Variants in IKBKB observed in about 807,000 individuals in gnomAD.
The protein encoded by IKBKB is inhibitor of nuclear factor kappa B kinase subunit beta.
Under a neutral mutation model 113.6 loss-of-function variants are expected in IKBKB, and 42 were observed. That is an observed-to-expected ratio of 0.37 (90% confidence interval 0.29 to 0.48). IKBKB has a LOEUF of 0.48. Ranked by LOEUF, IKBKB falls within the 20% of genes least tolerant of loss-of-function variation. The probability of loss-of-function intolerance (pLI) is 0.99; values close to 1 mark genes in which losing one functional copy is unlikely to be tolerated. For synonymous variants in IKBKB, 296 were observed against 361.3 expected (o/e 0.82, Z 2.05); for missense variants, 673 against 939.7 (o/e 0.72, Z 3.71).
In IKBKB at chr8:42,331,307, G is replaced by T. The variant is rs1273696815; in HGVS notation, c.*328G>T. 1.0e-5 allele frequency: 7 copies of T among 702,364 alleles called. No individual in the cohort carries two copies. The highest frequency in any genetic ancestry group is 1.8e-5 in the Non-Finnish European group (7 of 385,078). 43.5% of individuals were successfully genotyped at this position (702,364 alleles called of 1,614,324 possible). A position where few individuals can be genotyped will look rare whatever the true frequency, so the allele number is the denominator to read the frequency against. The stretch of plus-strand genomic sequence containing the variant: ...ATCGCTGGCCCCACAAACGTTCAGG[G>T]GTACAGCCATGGCAGCTCCTTCCTC... On this transcript the variant is annotated 3_prime_UTR_variant, in exon 22 of 22. Coordinates refer to ENST00000520810, the MANE Select transcript of IKBKB (RefSeq NM_001556.3).
At chr8:42,296,259 G>A (rs1345154638) in intron 5 of IKBKB, among the ~76,000 whole-genome samples, 2 of 152,218 alleles carry the variant, frequency 1.3e-5, no homozygotes, top group Admixed American at 6.5e-5. Context: ...CACTTTGGGA[G>A]GCGGAAGCGG....
chr8:42,271,544 G>C, intron 1 of IKBKB, 75 bp downstream of exon 1: 1 of 593,696 alleles, frequency 1.7e-6, no homozygotes, highest in South Asian at 2.0e-5. Context: ...AGGCCCGGAA[G>C]ACCCCTCTGT....
Position 42,271,334 on chromosome 8 carries a change from CGCGCCGCGCT to C in IKBKB, c.-151_-142del. On this transcript the variant is annotated 5_prime_UTR_variant, in exon 1 of 22. Transcript: ENST00000520810. ...CAGAGCAGGAAGTGTTTGAGGAAGT[CGCGCCGCGCT>C]GCCCGCGTTAAGATTCCCGCATTTT... 3 of 1,151,782 alleles carry C rather than the reference CGCGCCGCGCT, an allele frequency of 2.6e-6. No individual in the cohort carries two copies. The South Asian group carries it at 3.9e-5, about 15-fold the overall frequency. The allele number at this position is 1,151,782 out of a possible 1,614,324, so 71.3% of individuals were successfully genotyped here.
At chr8:42,314,462 C>CT in intron 9 of IKBKB, 33 bp downstream of exon 9, 1 of 1,354,350 alleles carries the variant, frequency 7.4e-7, no homozygotes, top group Non-Finnish European at 1.1e-6. Flanking sequence ...GAATACATAT[C>CT]TTTCTTGCTT....
At position 42,316,939 on chromosome 8, in the gene IKBKB, C is replaced by T. The variant is rs1018866299; in HGVS notation, c.1125+35C>T. 3 of 1,592,172 alleles carry T rather than the reference C, an allele frequency of 1.9e-6. No individual in the cohort carries two copies. The highest frequency in any genetic ancestry group is 1.7e-6 in the Non-Finnish European group (2 of 1,162,354). The stretch of plus-strand genomic sequence containing the variant: ...GGCTTCGTACACACCATCCTGTTTA[C>T]CTTGGCTGTGCCTCCTGGGAAACTC... On this transcript the variant is annotated intron_variant, in intron 11 of 21. Coordinates refer to ENST00000520810, the MANE Select transcript of IKBKB (RefSeq NM_001556.3). This position sits in a 1 kb window ranked among gnomAD's most constrained non-coding sequence, Gnocchi z 4.5.
At chr8:42,303,117 G>GAA (rs1323204504) in intron 5 of IKBKB, among the ~76,000 whole-genome samples, 1 of 143,868 alleles carries the variant, frequency 7.0e-6, no homozygotes, top group Non-Finnish European at 1.5e-5. Context: ...GAGAGAGAGA[G>GAA]AATGAGAGAG....
chr8:42,284,631 T>C (rs540791970), intron 2 of IKBKB, among the ~76,000 whole-genome samples: 1 of 151,304 alleles, frequency 6.6e-6, no homozygotes, highest in African/African-American at 2.4e-5. Flanking sequence ...AGGAATTGGC[T>C]TTCATTGAAT....
intron 21 of IKBKB, chr8:42,330,172 T>C (rs1821502757): frequency 1.0e-6 from 1 of 985,390 alleles, no homozygotes; most frequent in African/African-American, 1.7e-5. Flanking sequence ...GAGTGAGTGC[T>C]GTGAGCCACA....
At chr8:42,299,185 G>A (rs551583467) in intron 5 of IKBKB, among the ~76,000 whole-genome samples, 3 of 152,266 alleles carry the variant, frequency 2.0e-5, no homozygotes, top group Admixed American at 2.0e-4. Context: ...TCTGCCCGCT[G>A]CCCAGGACCA....
chr8:42,327,252 G>T (rs1221181336), intron 20 of IKBKB, among the ~76,000 whole-genome samples: 1 of 151,802 alleles, frequency 6.6e-6, no homozygotes, highest in Non-Finnish European at 1.5e-5. Context: ...CTAGCACTTT[G>T]GGAGGCCAAG....
intron 3 of IKBKB, 72 bp from the exon 4 acceptor site, chr8:42,290,084 A>T: frequency 1.9e-6 from 2 of 1,054,122 alleles, no homozygotes; most frequent in East Asian, 2.4e-5. Flanking sequence ...TGTTGCTGAG[A>T]CCTGGTGGGG....
intron 15 of IKBKB, 60 bp from the exon 16 acceptor site, chr8:42,320,675 A>G: frequency 7.2e-7 from 1 of 1,391,196 alleles, no homozygotes; most frequent in Non-Finnish European, 1.0e-6. Context: ...TCCCCCGCAG[A>G]TCTTGCATCT....
chr8:42,276,682 T>C (rs1809163024), intron 2 of IKBKB, among the ~76,000 whole-genome samples: 1 of 151,786 alleles, frequency 6.6e-6, no homozygotes, highest in Non-Finnish European at 1.5e-5. Context: ...CCCAGACCAA[T>C]GCCCTGAAGC....
chr8:42,315,179 A>G (rs1818433489), intron 9 of IKBKB, among the ~76,000 whole-genome samples: 1 of 152,224 alleles, frequency 6.6e-6, no homozygotes, highest in African/African-American at 2.4e-5. Flanking sequence ...CAGAATCTAA[A>G]CAATTAATAA....
chr8:42,277,998 T>G (rs1809529589), intron 2 of IKBKB, among the ~76,000 whole-genome samples: 1 of 152,232 alleles, frequency 6.6e-6, no homozygotes, highest in African/African-American at 2.4e-5. Flanking sequence ...AGTCAACTAA[T>G]TATAAATGTA....
At chr8:42,314,287 C>T (rs766915684) in intron 8 of IKBKB, 35 bp from the exon 9 acceptor site, 9 of 1,416,134 alleles carry the variant, frequency 6.4e-6, no homozygotes, top group South Asian at 4.6e-5. Context: ...GTCATAGCAA[C>T]GTGTGACTGC....
intron 13 of IKBKB, 122 bp from the exon 14 acceptor site, chr8:42,319,148 G>GTGA (rs756615547): frequency 6.6e-5 from 57 of 861,458 alleles, no homozygotes; most frequent in Non-Finnish European, 9.5e-5. Flanking sequence ...TATAATAATA[G>GTGA]TGATGATGAT....
At chr8:42,287,684 T>C (rs1177866532) in intron 2 of IKBKB, among the ~76,000 whole-genome samples, 7 of 152,242 alleles carry the variant, frequency 4.6e-5, no homozygotes, top group Non-Finnish European at 8.8e-5. Flanking sequence ...CCCTGAAAGA[T>C]GGGTGTCAGT....
Position 42,316,347 on chromosome 8 carries a change from T to C in IKBKB, c.930+8T>C, listed in dbSNP as rs1488231229. 3 of 1,614,140 alleles carry C rather than the reference T, an allele frequency of 1.9e-6. No individual in the cohort carries two copies. Among genetic ancestry groups the C allele is most frequent in the Middle Eastern group, 1.7e-4 (1 of 6,058 alleles). Reference sequence around the variant, plus strand: ...GACATCTTAAACTTAAAGGTGAGTGTGGAGCCAAGTTAGCCCTGAGGCAAA... The same window carrying C: ...GACATCTTAAACTTAAAGGTGAGTGCGGAGCCAAGTTAGCCCTGAGGCAAA... On this transcript the variant is annotated splice_region_variant and intron_variant, in intron 10 of 21. Transcript: ENST00000520810. This position sits in a 1 kb window ranked among gnomAD's most constrained non-coding sequence, Gnocchi z 4.5.
Sources: allele counts gnomAD v4.1 joint callset (sites outside exome capture counted in the v4.1 genomes callset), GRCh38; gene constraint gnomAD v4.1.1; non-coding constraint Gnocchi (gnomAD v3.1); transcripts MANE v1.5; gene names NCBI Gene and HGNC (gene_info 2026-07-23, HGNC 2026-07-21).